The following UBE2E3 variants were observed in gnomAD, a reference collection of about 807,000 sequenced individuals.
UBE2E3 encodes ubiquitin-conjugating enzyme E2 E3.
A neutral mutation model predicts 23.6 loss-of-function variants in UBE2E3; 5 were observed. That is an observed-to-expected ratio of 0.21 (90% confidence interval 0.11 to 0.44). The LOEUF (loss-of-function observed/expected upper bound fraction) is 0.44, where lower values mean the gene tolerates loss of function less well. Among genes scored for constraint, UBE2E3 ranks in the 20% least tolerant of loss-of-function variants. UBE2E3 has a pLI of 0.99. For missense variants in UBE2E3, 81 were observed against 249.8 expected (o/e 0.32, Z 4.55); for synonymous variants, 78 against 87.5 (o/e 0.89, Z 0.60).
intron 3 of UBE2E3, among the ~76,000 whole-genome samples, chr2:180,999,130 T>C (rs1213356262): frequency 6.6e-6 from 1 of 152,126 alleles, no homozygotes; most frequent in Non-Finnish European, 1.5e-5. Context: ...ATCTCACTGA[T>C]GAACAAGAAT....
At chr2:180,983,665 C>T (rs1234954469) in intron 2 of UBE2E3, among the ~76,000 whole-genome samples, 1 of 152,150 alleles carries the variant, frequency 6.6e-6, no homozygotes, top group African/African-American at 2.4e-5. Context: ...CACTTCAAGT[C>T]CTTGTCAAAT....
At chr2:181,045,926 A>G (rs947489701) in intron 3 of UBE2E3, among the ~76,000 whole-genome samples, 7 of 151,628 alleles carry the variant, frequency 4.6e-5, no homozygotes, top group Non-Finnish European at 1.0e-4. Flanking sequence ...TTTTTCCTAC[A>G]CTCTTTTTGG....
chr2:181,010,908 A>G (rs1325577008), intron 3 of UBE2E3, among the ~76,000 whole-genome samples: 2 of 151,928 alleles, frequency 1.3e-5, no homozygotes, highest in African/African-American at 2.4e-5. Context: ...CTTTGAAAAA[A>G]TGAACCTACT....
intron 3 of UBE2E3, among the ~76,000 whole-genome samples, chr2:180,988,828 C>G (rs377269059): frequency 4.6e-5 from 7 of 151,998 alleles, no homozygotes; most frequent in African/African-American, 1.7e-4. Context: ...TTACTTAATA[C>G]ATTTGATTGT....
chr2:180,985,280 C>T (rs978390363), intron 3 of UBE2E3, among the ~76,000 whole-genome samples: 11 of 152,118 alleles, frequency 7.2e-5, no homozygotes, highest in South Asian at 6.2e-4. Context: ...CTATGCTGTC[C>T]GGTAATGTAG....
chr2:180,981,120 C>G (rs910085290), intron 1 of UBE2E3, 147 bp downstream of exon 1: 1 of 146,626 alleles, frequency 6.8e-6, no homozygotes, highest in Admixed American at 6.8e-5. Context: ...CTGGGCTGCT[C>G]GCATCACTTG....
At chr2:181,053,029 C>G (rs1356848144) in intron 3 of UBE2E3, among the ~76,000 whole-genome samples, 1 of 151,750 alleles carries the variant, frequency 6.6e-6, no homozygotes, top group Non-Finnish European at 1.5e-5. Context: ...GTTTCACCAC[C>G]CTTTAAGTTT....
At chr2:180,984,608 A>G (rs572586207) in intron 3 of UBE2E3, among the ~76,000 whole-genome samples, 1 of 152,316 alleles carries the variant, frequency 6.6e-6, no homozygotes, top group South Asian at 2.1e-4. Context: ...CGTTTTCTAC[A>G]GAATGCATTG....
intron 3 of UBE2E3, among the ~76,000 whole-genome samples, chr2:181,044,105 A>T (rs1052166208): frequency 1.3e-5 from 2 of 152,054 alleles, no homozygotes; most frequent in African/African-American, 4.8e-5. Context: ...TTCTCCTCCG[A>T]TCTAGTGGTA....
chr2:180,980,476 AGAGCGCGCACGG>A (rs1351789759), upstream of UBE2E3: 19 of 149,916 alleles, frequency 1.3e-4, no homozygotes, highest in African/African-American at 4.6e-4. This position sits in a 1 kb window ranked among gnomAD's most constrained non-coding sequence, Gnocchi z 5.5. Context: ...GGAGGTGTGG[AGAGCGCGCACGG>A]GAGCGCGCGG....
chr2:180,989,779 A>C, intron 3 of UBE2E3: 3 of 1,249,164 alleles, frequency 2.4e-6, no homozygotes, highest in Non-Finnish European at 3.2e-6. Context: ...CTTCGCAGCT[A>C]CATGCTCACA....
At chr2:180,983,648 TAA>T (rs2105562863) in intron 2 of UBE2E3, among the ~76,000 whole-genome samples, 1 of 152,362 alleles carries the variant, frequency 6.6e-6, no homozygotes, top group Non-Finnish European at 1.5e-5. Flanking sequence ...TTTACCTCAG[TAA>T]AAGTCACTTC....
intron 3 of UBE2E3, among the ~76,000 whole-genome samples, chr2:180,990,591 T>G (rs2105574611): frequency 6.6e-6 from 1 of 152,368 alleles, no homozygotes; most frequent in East Asian, 1.9e-4. Context: ...AATGACTACC[T>G]TGAGTACTTG....
chr2:180,995,280 G>T (rs144817298), intron 3 of UBE2E3, among the ~76,000 whole-genome samples: 195 of 152,258 alleles, frequency 1.3e-3, no homozygotes, highest in African/African-American at 4.4e-3. Flanking sequence ...AGAAAAAGTT[G>T]TAATTGCTTG....
At chr2:181,000,428 C>T (rs1260618943) in intron 3 of UBE2E3, among the ~76,000 whole-genome samples, 1 of 152,150 alleles carries the variant, frequency 6.6e-6, no homozygotes, top group Admixed American at 6.5e-5. Context: ...TAACACTGTA[C>T]AACTCCAGGG....
intron 3 of UBE2E3, among the ~76,000 whole-genome samples, chr2:181,004,325 T>C (rs1388474256): frequency 1.3e-5 from 2 of 152,182 alleles, no homozygotes; most frequent in Non-Finnish European, 2.9e-5. Flanking sequence ...AAAAATTACC[T>C]GATTAGCTGT....
At chr2:181,060,583 T>C in intron 4 of UBE2E3, 82 bp from the exon 5 acceptor site, 2 of 1,298,958 alleles carry the variant, frequency 1.5e-6, no homozygotes, top group South Asian at 1.6e-5. Flanking sequence ...ATCTATGATA[T>C]ATTACCCTTC....
intron 3 of UBE2E3, among the ~76,000 whole-genome samples, chr2:181,047,821 G>A (rs1490612861): frequency 2.0e-5 from 3 of 152,088 alleles, no homozygotes; most frequent in African/African-American, 7.2e-5. Flanking sequence ...GTCCATATTA[G>A]TTTAACACTC....
rs145817402 is a variant in UBE2E3, at chr2:181,058,904, A to T, written c.378+1079A>T. Among the ~76,000 whole-genome samples the T allele has an allele frequency of 1.2e-3, 181 of 151,888 alleles. 1 individual carries two copies. Among genetic ancestry groups the T allele is most frequent in the African/African-American group, 4.1e-3 (169 of 41,488 alleles). ...TTAAAGTGCTTTACCGTGTGGTCCCATCAGCATGTAAGATCTTGAAATTAT... is the reference window on the plus strand; with the variant it reads ...TTAAAGTGCTTTACCGTGTGGTCCCTTCAGCATGTAAGATCTTGAAATTAT... On this transcript the variant is annotated intron_variant, in intron 4 of 5. Coordinates refer to ENST00000410062, the MANE Select transcript of UBE2E3 (RefSeq NM_006357.4).
Sources: gnomAD v4.1 joint callset for allele counts (sites outside exome capture counted in the v4.1 genomes callset) on GRCh38, gnomAD v4.1.1 for gene constraint, Gnocchi (gnomAD v3.1) non-coding constraint, MANE v1.5 for transcripts, NCBI Gene and HGNC (gene_info 2026-07-23, HGNC 2026-07-21) for gene names.